The following HHLA2 variants were observed in gnomAD, a reference collection of about 807,000 sequenced individuals.
HHLA2 encodes the protein HHLA2 member of B7 family.
HHLA2 carries 48 observed loss-of-function variants against 45.9 expected under a neutral mutation model. The ratio of observed to expected loss-of-function variants is 1.05; its 90% confidence interval spans 0.83 to 1.33. HHLA2 has a LOEUF of 1.33. Among genes scored for constraint, HHLA2 ranks in the 40% most tolerant of loss-of-function variants. HHLA2 has a pLI of 0.00. For synonymous variants in HHLA2, 161 were observed against 173.9 expected, an observed-to-expected ratio of 0.93 and a Z score of 0.59; for missense variants, 462 against 494.3, an observed-to-expected ratio of 0.93 and a Z score of 0.62.
intron 2 of HHLA2, among the ~76,000 whole-genome samples, chr3:108,319,354 A>G (rs1184846424): frequency 6.6e-6 from 1 of 152,046 alleles, no homozygotes; most frequent in Non-Finnish European, 1.5e-5. Flanking sequence ...TTCCCACTTG[A>G]TCTTCCTTCC....
intron 3 of HHLA2, among the ~76,000 whole-genome samples, chr3:108,341,901 A>G (rs995088164): frequency 6.6e-6 from 1 of 152,168 alleles, no homozygotes; most frequent in African/African-American, 2.4e-5. Flanking sequence ...TCACAACTGT[A>G]AGATAGAAGC....
At chr3:108,376,616 G>C in intron 10 of HHLA2, 59 bp downstream of exon 9, 2 of 1,423,988 alleles carry the variant, frequency 1.4e-6, no homozygotes, top group South Asian at 1.2e-5. Flanking sequence ...CTTTAAAAGG[G>C]TAATTGAAGT....
Position 108,357,843 on chromosome 3 carries a change from G to A in HHLA2, c.686-1G>A. 1 of 1,600,602 alleles carries A rather than the reference G, an allele frequency of 6.2e-7. No homozygotes were observed. The highest frequency in any genetic ancestry group is 8.5e-7 in the Non-Finnish European group (1 of 1,172,162). ...TGTTTTCTTTTCTATTGTGTTGTTAGATGGCCTTCATAAAATGCAAAGTGA... is the reference window on the plus strand; with the variant it reads ...TGTTTTCTTTTCTATTGTGTTGTTAAATGGCCTTCATAAAATGCAAAGTGA... On this transcript the variant is annotated splice_acceptor_variant, in intron 6 of 10. Transcript: ENST00000619531. LOFTEE classifies it high-confidence loss of function.
At chr3:108,303,246 A>G (rs1476700101) in intron 1 of HHLA2, among the ~76,000 whole-genome samples, 2 of 152,176 alleles carry the variant, frequency 1.3e-5, no homozygotes, top group Non-Finnish European at 2.9e-5. Flanking sequence ...AATTATCCTA[A>G]TACTGTGTCA....
At chr3:108,348,148 G>A (rs961107862) in intron 3 of HHLA2, among the ~76,000 whole-genome samples, 3 of 151,890 alleles carry the variant, frequency 2.0e-5, no homozygotes, top group African/African-American at 7.3e-5. Flanking sequence ...TAGAAAACCT[G>A]GTAACATTCC....
chr3:108,329,693 G>A (rs1045503449), intron 3 of HHLA2, among the ~76,000 whole-genome samples: 26 of 152,032 alleles, frequency 1.7e-4, no homozygotes, highest in African/African-American at 6.0e-4. Flanking sequence ...AACCACTCTC[G>A]ATGTCTGCCC....
intron 1 of HHLA2, among the ~76,000 whole-genome samples, chr3:108,306,407 A>G (rs1265615488): frequency 6.6e-6 from 1 of 152,134 alleles, no homozygotes; most frequent in African/African-American, 2.4e-5. Context: ...TTCTGTCCTC[A>G]TACAGTCTTT....
chr3:108,374,339 T>G (rs2082234638), intron 8 of HHLA2, among the ~76,000 whole-genome samples: 1 of 151,976 alleles, frequency 6.6e-6, no homozygotes, highest in Admixed American at 6.6e-5. Context: ...CAAGATGGAT[T>G]AAAGATTTAC....
chr3:108,304,427 T>A (rs1469495998), intron 1 of HHLA2, among the ~76,000 whole-genome samples: 4 of 152,182 alleles, frequency 2.6e-5, no homozygotes. Flanking sequence ...TGGTGTTCCT[T>A]GTCTTGTGTC....
chr3:108,298,370 T>A (rs905108967), intron 1 of HHLA2, among the ~76,000 whole-genome samples: 4 of 152,202 alleles, frequency 2.6e-5, no homozygotes, highest in African/African-American at 9.6e-5. Context: ...AACTTTAGGT[T>A]CTCCTTTCTA....
intron 7 of HHLA2, among the ~76,000 whole-genome samples, chr3:108,358,615 G>T (rs1323754525): frequency 6.6e-6 from 1 of 152,196 alleles, no homozygotes; most frequent in Non-Finnish European, 1.5e-5. Context: ...GAAGCACCAA[G>T]TATATATTCC....
intron 1 of HHLA2, among the ~76,000 whole-genome samples, chr3:108,306,720 C>T (rs2080936468): frequency 6.6e-6 from 1 of 152,110 alleles, no homozygotes; most frequent in South Asian, 2.1e-4. Flanking sequence ...ACTACATTTT[C>T]TCACTTCATT....
chr3:108,350,533 A>G (rs2081758615), intron 3 of HHLA2, among the ~76,000 whole-genome samples: 1 of 152,202 alleles, frequency 6.6e-6, no homozygotes, highest in Non-Finnish European at 1.5e-5. Flanking sequence ...CAGGAGTTAC[A>G]TGTGCAGGCT....
At chr3:108,334,655 G>A (rs1228639491) in intron 3 of HHLA2, among the ~76,000 whole-genome samples, 1 of 152,126 alleles carries the variant, frequency 6.6e-6, no homozygotes, top group Admixed American at 6.5e-5. Context: ...TTTAACTGAC[G>A]CACAGGTATA....
chr3:108,342,783 T>C (rs2081596276), intron 3 of HHLA2, among the ~76,000 whole-genome samples: 1 of 152,214 alleles, frequency 6.6e-6, no homozygotes, highest in Non-Finnish European at 1.5e-5. Flanking sequence ...TTCTATTGTC[T>C]GTCCAGAATA....
At chr3:108,341,730 T>C (rs777854506) in intron 3 of HHLA2, among the ~76,000 whole-genome samples, 19 of 152,196 alleles carry the variant, frequency 1.2e-4, no homozygotes, top group Non-Finnish European at 1.9e-4. Context: ...CAACTCACAG[T>C]AGTTTAAATG....
chr3:108,362,724 A>G (rs2082002339), intron 8 of HHLA2, among the ~76,000 whole-genome samples: 1 of 152,218 alleles, frequency 6.6e-6, no homozygotes, highest in Non-Finnish European at 1.5e-5. Context: ...TAGGTTTCCT[A>G]CTATTTTCAA....
chr3:108,375,475 A>G (rs1416161774), intron 8 of HHLA2, among the ~76,000 whole-genome samples: 1 of 151,552 alleles, frequency 6.6e-6, no homozygotes, highest in Admixed American at 6.6e-5. Flanking sequence ...ACTTAAAAGA[A>G]TAATAATAAT....
rs116882743 is a variant in HHLA2 at position 108,345,580 on chromosome 3, G to A, written c.-26-6208G>A. Among the ~76,000 whole-genome samples the A allele has an allele frequency of 5.6e-4, 85 of 152,228 alleles. 2 individuals are homozygous for A. In the East Asian group the frequency reaches 0.015, roughly 27 times the overall value. ...AAGAGACCAGCCCCAATTTCCAAAT[G>A]TCACCAGCTGACCCGTCTCCTCTGG... On this transcript the variant is annotated intron_variant, in intron 3 of 10. Coordinates refer to ENST00000619531, the Ensembl canonical transcript of HHLA2.
Sources: gnomAD v4.1 joint callset for allele counts (sites outside exome capture counted in the v4.1 genomes callset) on GRCh38, gnomAD v4.1.1 for gene constraint, MANE v1.5 for transcripts, NCBI Gene and HGNC (gene_info 2026-07-23, HGNC 2026-07-21) for gene names.